OPN4: variants seen among roughly 807,000 people sequenced by gnomAD.
OPN4 encodes the protein melanopsin.
A neutral mutation model predicts 49.5 loss-of-function variants in OPN4; 43 were observed. The observed-to-expected ratio is 0.87, with a 90% CI of 0.68 to 1.12. OPN4 has a LOEUF of 1.12. OPN4 is among the 50% of genes most tolerant of loss of function. The pLI is 0.00. For synonymous variants in OPN4, 263 were observed against 258.0 expected, an observed-to-expected ratio of 1.02 and a Z score of -0.19; for missense variants, 657 against 643.9, an observed-to-expected ratio of 1.02 and a Z score of -0.22.
At chr10:86,663,593 G>A (rs1350099860) in intron 8 of OPN4, 66 bp from the exon 9 acceptor site, 7 of 1,398,508 alleles carry the variant, frequency 5.0e-6, no homozygotes, top group Non-Finnish European at 6.6e-6. Flanking sequence ...GCCTGGTGGG[G>A]TAAGGGCAGG....
At chr10:86,658,463 G>C in intron 3 of OPN4, 21 bp from the exon 4 acceptor site, 1 of 1,613,478 alleles carries the variant, frequency 6.2e-7, no homozygotes, top group Non-Finnish European at 8.5e-7. Flanking sequence ...CCAGGACTCA[G>C]AGCAGGGGCT....
chr10:86,664,150 G>A (rs1844087977), intron 9 of OPN4, among the ~76,000 whole-genome samples: 1 of 152,214 alleles, frequency 6.6e-6, no homozygotes, highest in Admixed American at 6.5e-5. Context: ...GCTCGAGCAT[G>A]TGTGTGGCCA....
intron 7 of OPN4, 25 bp downstream of exon 7, chr10:86,661,413 C>T (rs928000199): frequency 8.9e-6 from 14 of 1,577,482 alleles, no homozygotes; most frequent in Non-Finnish European, 1.2e-5. Context: ...CAGAACCCCA[C>T]ACCTTGGCCT....
At chr10:86,662,498 T>C in intron 8 of OPN4, 66 bp downstream of exon 8, 1 of 1,460,820 alleles carries the variant, frequency 6.8e-7, no homozygotes, top group East Asian at 2.5e-5. Context: ...CCTGGGGCTC[T>C]GGGGAATACA....
chr10:86,654,675 G>A lies in OPN4; in HGVS notation c.-109G>A, dbSNP rs1288161463. 1 of 1,451,072 alleles carries A rather than the reference G, an allele frequency of 6.9e-7. No homozygotes were observed. Among genetic ancestry groups the A allele is most frequent in the African/African-American group, 1.4e-5 (1 of 71,042 alleles). The allele number at this position is 1,451,072 out of a possible 1,614,324, so 89.9% of individuals were successfully genotyped here. On this transcript the variant is annotated 5_prime_UTR_variant, in exon 1 of 10. Coordinates refer to ENST00000241891, the MANE Select transcript of OPN4 (RefSeq NM_033282.4). ...GAGAAAGCAGCGGGTAGGCTAAGCAGGGGTGCTGAGGATGGAGGAAAGTTG... is the reference window on the plus strand; with the variant it reads ...GAGAAAGCAGCGGGTAGGCTAAGCAAGGGTGCTGAGGATGGAGGAAAGTTG...
Position 86,666,456 on chromosome 10 carries a change from A to G in OPN4, c.*705A>G, listed in dbSNP as rs1366297956. 3 of 238,562 alleles carry G rather than the reference A, an allele frequency of 1.3e-5. No individual in the cohort carries two copies. The highest frequency in any genetic ancestry group is 2.6e-5 in the Non-Finnish European group (3 of 117,050). The allele number at this position is 238,562 out of a possible 1,614,324, so 14.8% of individuals were successfully genotyped here. Reference sequence around the variant, plus strand: ...TAAAAAGCGGAGAAGGTGTCTTCAGACAAATATGGTCTCTACGTGTTGGTG... The same window carrying G: ...TAAAAAGCGGAGAAGGTGTCTTCAGGCAAATATGGTCTCTACGTGTTGGTG... On this transcript the variant is annotated 3_prime_UTR_variant, in exon 10 of 10. Transcript: ENST00000241891.
chr10:86,666,043 A>C lies in OPN4; in HGVS notation c.*292A>C. ...TCCCGAGTTGTCTGCCTCTCCTCAA[A>C]TGCTGTGTGCTGCAATTGTCCAGGC... On this transcript the variant is annotated 3_prime_UTR_variant, in exon 10 of 10. Transcript: ENST00000241891. 3.9e-5 allele frequency: 18 copies of C among 457,872 alleles called. No individual in the cohort carries two copies. The highest frequency in any genetic ancestry group is 1.2e-4 in the East Asian group (3 of 24,878). The allele number at this position is 457,872 out of a possible 1,614,324, so 28.4% of individuals were successfully genotyped here.
At chr10:86,661,470 T>C in intron 7 of OPN4, 82 bp downstream of exon 7, 3 of 1,011,978 alleles carry the variant, frequency 3.0e-6, no homozygotes, top group Non-Finnish European at 4.5e-6. Flanking sequence ...CACCTTTCTG[T>C]CTCTCGTGTG....
intron 8 of OPN4, 31 bp downstream of exon 8, chr10:86,662,463 C>A (rs1184759586): frequency 4.6e-6 from 7 of 1,531,518 alleles, no homozygotes; most frequent in African/African-American, 1.4e-5. Flanking sequence ...CCAGCTTGCG[C>A]CTGGCCATCC....
rs1209273506 is a variant in OPN4 at position 86,663,652 on chromosome 10, C to T, written c.1255-7C>T. 3 of 1,497,006 alleles carry T rather than the reference C, an allele frequency of 2.0e-6. No individual in the cohort carries two copies. Among genetic ancestry groups the T allele is most frequent in the East Asian group, 4.8e-5 (2 of 41,446 alleles). The allele number at this position is 1,497,006 out of a possible 1,614,324, so 92.7% of individuals were successfully genotyped here. ...TCACCTCACAGTCACTCTCTCACCTCCCTCAGGGCTGGACACACATGGAGG... is the reference window on the plus strand; with the variant it reads ...TCACCTCACAGTCACTCTCTCACCTTCCTCAGGGCTGGACACACATGGAGG... On this transcript the variant is annotated splice_polypyrimidine_tract_variant and splice_region_variant and intron_variant, in intron 8 of 9. Transcript: ENST00000241891.
chr10:86,663,850 G>T (rs1482943111), intron 9 of OPN4, 48 bp downstream of exon 9: 6 of 1,541,860 alleles, frequency 3.9e-6, no homozygotes, highest in Non-Finnish European at 4.4e-6. Context: ...GGGGGTTAGG[G>T]GCCAGTAGCC....
intron 9 of OPN4, 77 bp downstream of exon 9, chr10:86,663,879 G>C: frequency 6.7e-7 from 1 of 1,502,844 alleles, no homozygotes; most frequent in Non-Finnish European, 9.0e-7. Flanking sequence ...GGCCAGGAAA[G>C]AGAGACTTGT....
At chr10:86,658,348 C>T (rs1843918202) in intron 3 of OPN4, 136 bp from the exon 4 acceptor site, 1 of 1,253,506 alleles carries the variant, frequency 8.0e-7, no homozygotes, top group Non-Finnish European at 1.1e-6. Context: ...CCTCTGCCAG[C>T]CTTGGCCAGA....
At position 86,662,238 on chromosome 10, in the gene OPN4, T is replaced by C. The variant is rs1420769421; in HGVS notation, c.1074-14T>C. ...CCCATCCCCTGGCCCTAATCAGATGTGCGGCCCCTGCAGGGTGGCCATTGC... is the reference window on the plus strand; with the variant it reads ...CCCATCCCCTGGCCCTAATCAGATGCGCGGCCCCTGCAGGGTGGCCATTGC... On this transcript the variant is annotated splice_polypyrimidine_tract_variant and intron_variant, in intron 7 of 9. Transcript: ENST00000241891. 6.2e-7 allele frequency: 1 copy of C among 1,606,278 alleles called. No homozygotes were observed. The highest frequency in any genetic ancestry group is 8.5e-7 in the Non-Finnish European group (1 of 1,178,244).
In OPN4 at chr10:86,662,398, G is replaced by C. The variant is rs781478047; in HGVS notation, c.1220G>C (p.Arg407Thr). The C allele has an allele frequency of 1.1e-4, 168 of 1,561,596 alleles. 1 individual carries two copies. Among genetic ancestry groups the C allele is most frequent in the Non-Finnish European group, 1.4e-4 (160 of 1,154,250 alleles). The change falls in exon 8 of 10, where the codon AGG becomes ACG. Residue 407 changes from arginine (R) to threonine (T), a missense_variant. Arg to Thr is a moderately conservative substitution (Grantham distance 71). Transcript: ENST00000241891. ...TSNLSWISIRRRQESLGSESE... is the reference protein window; with the variant it reads ...TSNLSWISIRTRQESLGSESE... ...AACCTCAGCTGGATCTCCATACGGAGGCGCCAGGAGTCCCTGGGCTCGGAG... is the reference window on the plus strand; with the variant it reads ...AACCTCAGCTGGATCTCCATACGGACGCGCCAGGAGTCCCTGGGCTCGGAG...
At position 86,665,972 on chromosome 10, in the gene OPN4, G is replaced by C. The variant is rs764205109; in HGVS notation, c.*221G>C. 1.1e-5 allele frequency: 6 copies of C among 563,886 alleles called. No homozygotes were observed. The highest frequency in any genetic ancestry group is 6.3e-6 in the Non-Finnish European group (2 of 318,642). The allele number at this position is 563,886 out of a possible 1,614,324, so 34.9% of individuals were successfully genotyped here. On this transcript the variant is annotated 3_prime_UTR_variant, in exon 10 of 10. Coordinates refer to ENST00000241891, the MANE Select transcript of OPN4 (RefSeq NM_033282.4). ...GCATCCACTTTCCAGCTCAGCAGCC[G>C]CACCCGAGGCTCAGCCTGAGGGGTA...
chr10:86,658,909 T>A (rs2132302656), intron 4 of OPN4, among the ~76,000 whole-genome samples: 1 of 152,214 alleles, frequency 6.6e-6, no homozygotes, highest in South Asian at 2.1e-4. Flanking sequence ...GATCCCAAAA[T>A]ACAAAGGCTT....
chr10:86,661,266 C>A lies in OPN4; in HGVS notation c.966-15C>A, dbSNP rs766139230. 1.9e-6 allele frequency: 3 copies of A among 1,608,918 alleles called. No individual in the cohort carries two copies. Among genetic ancestry groups the A allele is most frequent in the African/African-American group, 1.3e-5 (1 of 74,764 alleles). The stretch of plus-strand genomic sequence containing the variant: ...AGGGCCAGCTAGCTTGGGGACCACA[C>A]CTTCTCTGTCCTAGGTACGCACACG... On this transcript the variant is annotated splice_polypyrimidine_tract_variant and intron_variant, in intron 6 of 9. Transcript: ENST00000241891.
At chr10:86,663,051 G>A (rs966899857) in intron 8 of OPN4, among the ~76,000 whole-genome samples, 14 of 151,190 alleles carry the variant, frequency 9.3e-5, no homozygotes, top group South Asian at 4.2e-4. Flanking sequence ...AACCTTCCTC[G>A]GGGCCAGGTG....
Sources: gnomAD v4.1 joint callset for allele counts (sites outside exome capture counted in the v4.1 genomes callset) on GRCh38, gnomAD v4.1.1 for gene constraint, MANE v1.5 for transcripts, NCBI Gene and HGNC (gene_info 2026-07-23, HGNC 2026-07-21) for gene names.